Variants in SGCZ observed in about 807,000 individuals in gnomAD.
SGCZ encodes the protein zeta-sarcoglycan.
A neutral mutation model predicts 41.3 loss-of-function variants in SGCZ; 40 were observed. The observed-to-expected ratio is 0.97, with a 90% CI of 0.75 to 1.26. The LOEUF (loss-of-function observed/expected upper bound fraction) is 1.26, where lower values mean the gene tolerates loss of function less well. Ranked by LOEUF, SGCZ falls within the 50% of genes most tolerant of loss-of-function variation. The probability of loss-of-function intolerance (pLI) is 0.00; values close to 1 mark genes in which losing one functional copy is unlikely to be tolerated. For missense variants in SGCZ, 552 were observed against 369.8 expected (o/e 1.49, Z -4.04); for synonymous variants, 206 against 137.5 (o/e 1.50, Z -3.49).
At chr8:15,169,308 C>A (rs959638534) in intron 1 of SGCZ, among the ~76,000 whole-genome samples, 2 of 152,102 alleles carry the variant, frequency 1.3e-5, no homozygotes, top group African/African-American at 4.8e-5. Context: ...ACTCCAACAG[C>A]CTGCCCACTG....
At chr8:14,315,098 G>A (rs1327285254) in intron 3 of SGCZ, among the ~76,000 whole-genome samples, 1 of 152,102 alleles carries the variant, frequency 6.6e-6, no homozygotes, top group Non-Finnish European at 1.5e-5. Context: ...GGTGTATAGA[G>A]GAAGAAGTGA....
chr8:14,790,519 A>G (rs973463548), intron 1 of SGCZ, among the ~76,000 whole-genome samples: 4 of 152,178 alleles, frequency 2.6e-5, no homozygotes, highest in Non-Finnish European at 4.4e-5. Context: ...AGTCCAAAAC[A>G]TTTGTTAACA....
intron 3 of SGCZ, among the ~76,000 whole-genome samples, chr8:14,268,362 T>TAC (rs1397837212): frequency 3.3e-5 from 5 of 150,848 alleles, no homozygotes; most frequent in Admixed American, 2.6e-4. Context: ...TATGTGTATA[T>TAC]ATATATATTC....
chr8:14,414,492 C>T (rs187570844), intron 2 of SGCZ, among the ~76,000 whole-genome samples: 15 of 151,880 alleles, frequency 9.9e-5, no homozygotes, highest in Admixed American at 6.6e-5. Context: ...TTGGAACCTG[C>T]TTGAGATAAA....
intron 2 of SGCZ, among the ~76,000 whole-genome samples, chr8:14,498,425 T>A (rs2117046038): frequency 6.6e-6 from 1 of 152,248 alleles, no homozygotes; most frequent in Non-Finnish European, 1.5e-5. Flanking sequence ...ATGGCTATCA[T>A]AATGCAATAT....
Position 14,610,247 on chromosome 8 carries a change from T to G in SGCZ, c.40-55321A>C, listed in dbSNP as rs77281417. Among the ~76,000 whole-genome samples the G allele has an allele frequency of 4.0e-3, 603 of 152,254 alleles. 4 individuals are homozygous for G. The highest frequency in any genetic ancestry group is 0.012 in the African/African-American group (493 of 41,556). On this transcript the variant is annotated intron_variant, in intron 1 of 7. Coordinates refer to ENST00000382080, the MANE Select transcript of SGCZ (RefSeq NM_139167.4). Reference sequence around the variant, plus strand: ...CTAAAGACACTTGAGAAACAGTAGATGTAAGAAGGGCATTTGAGTCTCCCC... The same window carrying G: ...CTAAAGACACTTGAGAAACAGTAGAGGTAAGAAGGGCATTTGAGTCTCCCC...
At chr8:14,788,118 C>A (rs1184115922) in intron 1 of SGCZ, among the ~76,000 whole-genome samples, 1 of 152,138 alleles carries the variant, frequency 6.6e-6, no homozygotes, top group African/African-American at 2.4e-5. Context: ...TTTGTGATAT[C>A]ATTACCTAAA....
intron 1 of SGCZ, among the ~76,000 whole-genome samples, chr8:14,683,232 A>G (rs1205073046): frequency 1.3e-5 from 2 of 152,192 alleles, no homozygotes; most frequent in Non-Finnish European, 2.9e-5. Context: ...TATAATAACA[A>G]TAAATGCTTA....
intron 1 of SGCZ, among the ~76,000 whole-genome samples, chr8:14,771,781 T>A (rs948344020): frequency 1.3e-5 from 2 of 152,138 alleles, no homozygotes; most frequent in African/African-American, 4.8e-5. Flanking sequence ...TGTCAGTATT[T>A]CAACCCAAAG....
intron 3 of SGCZ, among the ~76,000 whole-genome samples, chr8:14,252,951 T>C (rs911534902): frequency 7.2e-5 from 11 of 152,208 alleles, no homozygotes; most frequent in Admixed American, 4.6e-4. Flanking sequence ...ACTTAAGGCA[T>C]AGCTAGGTTG....
chr8:14,587,566 A>G (rs1292250980), intron 1 of SGCZ, among the ~76,000 whole-genome samples: 1 of 152,196 alleles, frequency 6.6e-6, no homozygotes, highest in Non-Finnish European at 1.5e-5. Flanking sequence ...AACTCTTTTA[A>G]CAGCACATGC....
chr8:14,244,602 T>C, intron 3 of SGCZ, among the ~76,000 whole-genome samples: 1 of 151,476 alleles, frequency 6.6e-6, no homozygotes, highest in East Asian at 1.9e-4. Flanking sequence ...ATATGAACTT[T>C]AAAGTAGTTT....
At chr8:14,165,633 T>G (rs982769315) in intron 4 of SGCZ, among the ~76,000 whole-genome samples, 1 of 152,136 alleles carries the variant, frequency 6.6e-6, no homozygotes, top group African/African-American at 2.4e-5. Flanking sequence ...GAAACCTTCC[T>G]CCTCTTCTAT....
chr8:14,845,426 C>T (rs1803066516), intron 1 of SGCZ, among the ~76,000 whole-genome samples: 1 of 152,132 alleles, frequency 6.6e-6, no homozygotes, highest in Non-Finnish European at 1.5e-5. Context: ...TAGTAAATTT[C>T]ACAATGCCTG....
At position 14,568,815 on chromosome 8, in the gene SGCZ, T is replaced by C. The variant is rs981217521; in HGVS notation, c.40-13889A>G. 2.0e-5 allele frequency among the ~76,000 whole-genome samples: 3 copies of C among 152,180 alleles called. No homozygotes were observed. In the East Asian group the frequency reaches 5.8e-4, roughly 29 times the overall value. On this transcript the variant is annotated intron_variant, in intron 1 of 7. Transcript: ENST00000382080. ...GCCATTTACTCCATCATTACATCCATGGGCTTCATTAAATAATTCAATATA... is the reference window on the plus strand; with the variant it reads ...GCCATTTACTCCATCATTACATCCACGGGCTTCATTAAATAATTCAATATA...
chr8:14,437,594 T>A (rs533881965), intron 2 of SGCZ, among the ~76,000 whole-genome samples: 2 of 152,186 alleles, frequency 1.3e-5, no homozygotes, highest in Admixed American at 1.3e-4. Context: ...AGAAAAATTT[T>A]CTGTTTTAAT....
intron 2 of SGCZ, among the ~76,000 whole-genome samples, chr8:14,383,219 C>A (rs922452218): frequency 3.3e-5 from 5 of 152,114 alleles, no homozygotes; most frequent in Admixed American, 6.5e-5. Flanking sequence ...TATATAAAAC[C>A]AATTAATGTG....
intron 1 of SGCZ, among the ~76,000 whole-genome samples, chr8:15,027,811 T>A (rs1319908836): frequency 6.6e-6 from 1 of 152,082 alleles, no homozygotes; most frequent in Non-Finnish European, 1.5e-5. Context: ...GTACTCATAA[T>A]TTTTTATTTA....
intron 1 of SGCZ, among the ~76,000 whole-genome samples, chr8:14,801,364 T>C (rs1321972927): frequency 6.6e-6 from 1 of 152,168 alleles, no homozygotes. Context: ...GAGGAAAAAA[T>C]CCTATGAAGT....
Sources: allele counts gnomAD v4.1 joint callset (sites outside exome capture counted in the v4.1 genomes callset), GRCh38; gene constraint gnomAD v4.1.1; transcripts MANE v1.5; gene names NCBI Gene and HGNC (gene_info 2026-07-23, HGNC 2026-07-21).